Variants in RGS3 observed in about 807,000 individuals in gnomAD.
The protein encoded by RGS3 is regulator of G-protein signalling 3.
A neutral mutation model predicts 132.6 loss-of-function variants in RGS3; 80 were observed. The ratio of observed to expected loss-of-function variants is 0.60; its 90% CI spans 0.50 to 0.73. The LOEUF is 0.73. Ranked by LOEUF, RGS3 falls within the 30% of genes least tolerant of loss-of-function variation. The probability of loss-of-function intolerance (pLI) is 0.00; values close to 1 mark genes in which losing one functional copy is unlikely to be tolerated. For missense variants in RGS3, 1,382 were observed against 1,530.8 expected (o/e 0.90, Z 1.62); for synonymous variants, 598 against 620.6 (o/e 0.96, Z 0.54).
At chr9:113,472,642 G>A (rs1428049783) in intron 3 of RGS3, among the ~76,000 whole-genome samples, 5 of 152,296 alleles carry the variant, frequency 3.3e-5, no homozygotes, top group East Asian at 1.9e-4. Flanking sequence ...GTGTGACTGC[G>A]AAAGAGTATG....
At chr9:113,469,984 C>T (rs1024634949) in intron 3 of RGS3, among the ~76,000 whole-genome samples, 7 of 150,436 alleles carry the variant, frequency 4.7e-5, no homozygotes, top group African/African-American at 1.7e-4. Flanking sequence ...AATGTAAACT[C>T]ACTGCAGCCT....
At chr9:113,562,411 A>G (rs1250635835) in intron 19 of RGS3, among the ~76,000 whole-genome samples, 1 of 146,166 alleles carries the variant, frequency 6.8e-6, no homozygotes, top group Non-Finnish European at 1.5e-5. Flanking sequence ...CAGGAGGCAG[A>G]GGTTGCAGTG....
At chr9:113,494,946 G>A (rs1588159277) in intron 7 of RGS3, among the ~76,000 whole-genome samples, 1 of 152,018 alleles carries the variant, frequency 6.6e-6, no homozygotes, top group African/African-American at 2.4e-5. Flanking sequence ...TGCGATCTTG[G>A]CTCACTGCAA....
intron 10 of RGS3, chr9:113,501,708 G>A (rs756971834): frequency 2.6e-5 from 36 of 1,397,318 alleles, no homozygotes; most frequent in Non-Finnish European, 3.5e-5. Flanking sequence ...GAAGGATCTC[G>A]CTCCTCACAA....
Position 113,591,369 on chromosome 9 carries a change from GCCTC to G in RGS3, c.3055_3058del (p.Ser1019GlyfsTer8). ...TGACACCGTTGGGGATGATGACGAA[GCCTC>G]CCGGAAGAGAAAGAGCAAAAACCTG... On this transcript the variant is annotated frameshift_variant, in exon 21 of 25. Transcript: ENST00000350696. LOFTEE classifies it high-confidence loss of function. This position sits in a 1 kb window ranked among gnomAD's most constrained non-coding sequence, Gnocchi z 4.4. The G allele has an allele frequency of 6.2e-7, 1 of 1,613,684 alleles. No homozygotes were observed. Among genetic ancestry groups the G allele is most frequent in the African/African-American group, 1.3e-5 (1 of 75,014 alleles).
intron 19 of RGS3, chr9:113,541,694 G>A (rs1377159138): frequency 9.2e-7 from 1 of 1,082,490 alleles, no homozygotes; most frequent in Non-Finnish European, 1.1e-6. Flanking sequence ...CAAGGAGGAG[G>A]AGGAGGAGGA....
At position 113,517,489 on chromosome 9, in the gene RGS3, G is replaced by C. The variant is rs1831737395; in HGVS notation, c.1675-52G>C. ...ACAAGCTGCTGCTTCCTCCCCCCGG[G>C]TCCTCACCCAGCCTCTTTTTGAACT... is the stretch of plus-strand genomic sequence containing the variant. On this transcript the variant is annotated intron_variant, in intron 15 of 24. Coordinates refer to ENST00000350696, the Ensembl canonical transcript of RGS3. 7 of 1,459,990 alleles carry C rather than the reference G, an allele frequency of 4.8e-6. No homozygotes were observed. The East Asian group carries it at 6.8e-5, about 14-fold the overall frequency. The allele number at this position is 1,459,990 out of a possible 1,614,324, so 90.4% of individuals were successfully genotyped here.
intron 19 of RGS3, among the ~76,000 whole-genome samples, chr9:113,570,941 C>T (rs765168920): frequency 3.3e-5 from 5 of 152,184 alleles, no homozygotes; most frequent in Non-Finnish European, 7.3e-5. Flanking sequence ...CGGCCCTTGT[C>T]CTGACTTCTC....
Position 113,507,413 on chromosome 9 carries a change from C to T in RGS3, c.1212C>T (p.Asn404=). 3.7e-6 allele frequency: 6 copies of T among 1,613,966 alleles called. No individual in the cohort carries two copies. The highest frequency in any genetic ancestry group is 5.1e-6 in the Non-Finnish European group (6 of 1,180,040). ...CACATGACCTCCAGTCACCCCCCAA[C>T]AAACGGGAGAAGAACTGCACCCATG... Residue 404 remains asparagine (N), a synonymous_variant, in exon 13 of 25, where the codon AAC becomes AAT. Coordinates refer to ENST00000350696, the Ensembl canonical transcript of RGS3. This position sits in a 1 kb window ranked among gnomAD's most constrained non-coding sequence, Gnocchi z 5.0.
chr9:113,522,808 T>A, intron 16 of RGS3, 122 bp from the exon 15 acceptor site: 1 of 740,498 alleles, frequency 1.4e-6, no homozygotes, highest in South Asian at 1.5e-5. Context: ...TGGTTTTGTG[T>A]GAGATGATGA....
rs961548406 is a variant in RGS3, at chr9:113,537,733, C to T, written c.2037+815C>T. ...AAAGAAAGCTGCAGCCTGTAACTTGCTGGCCTTTTCACTTCTCCCTGGTGC... is the reference window on the plus strand; with the variant it reads ...AAAGAAAGCTGCAGCCTGTAACTTGTTGGCCTTTTCACTTCTCCCTGGTGC... On this transcript the variant is annotated intron_variant, in intron 19 of 24. Coordinates refer to ENST00000350696, the Ensembl canonical transcript of RGS3. This position sits in a 1 kb window ranked among gnomAD's most constrained non-coding sequence, Gnocchi z 4.3. Among the ~76,000 whole-genome samples, 11 of 152,190 alleles carry T rather than the reference C, an allele frequency of 7.2e-5. No homozygotes were observed. The highest frequency in any genetic ancestry group is 2.2e-4 in the African/African-American group (9 of 41,432).
At chr9:113,491,358 C>A (rs1283218978) in intron 7 of RGS3, among the ~76,000 whole-genome samples, 1 of 151,698 alleles carries the variant, frequency 6.6e-6, no homozygotes, top group South Asian at 2.1e-4. Context: ...TAGCGATTCT[C>A]TGGCCTCAGC....
chr9:113,575,335 C>T (rs1834464903), intron 19 of RGS3, among the ~76,000 whole-genome samples: 1 of 152,180 alleles, frequency 6.6e-6, no homozygotes, highest in Non-Finnish European at 1.5e-5. Flanking sequence ...CCTTCTGTGC[C>T]TCAGTATTGC....
At chr9:113,513,687 C>T (rs1003145828) in intron 14 of RGS3, among the ~76,000 whole-genome samples, 1 of 152,220 alleles carries the variant, frequency 6.6e-6, no homozygotes, top group African/African-American at 2.4e-5. Context: ...GTTGCCCAAG[C>T]TCACTGAGCT....
At chr9:113,534,763 C>T (rs1057432010) in intron 18 of RGS3, among the ~76,000 whole-genome samples, 1 of 152,012 alleles carries the variant, frequency 6.6e-6, no homozygotes, top group Non-Finnish European at 1.5e-5. Flanking sequence ...AAGCGCACAC[C>T]ACCACACCCA....
At chr9:113,467,129 AT>A (rs1469446858) in intron 3 of RGS3, among the ~76,000 whole-genome samples, 3 of 152,216 alleles carry the variant, frequency 2.0e-5, no homozygotes, top group Non-Finnish European at 4.4e-5. Flanking sequence ...GGTGATGAAT[AT>A]TTTGGCTGTT....
At chr9:113,495,153 G>A (rs936639083) in intron 7 of RGS3, among the ~76,000 whole-genome samples, 2 of 152,170 alleles carry the variant, frequency 1.3e-5, no homozygotes, top group African/African-American at 4.8e-5. Flanking sequence ...GGCATTACAG[G>A]CGTGAGCCAC....
intron 19 of RGS3, among the ~76,000 whole-genome samples, chr9:113,567,125 G>A (rs1476765369): frequency 6.6e-6 from 1 of 152,210 alleles, no homozygotes; most frequent in Non-Finnish European, 1.5e-5. Flanking sequence ...AATTGTTGAT[G>A]GGACTTCTGA....
At chr9:113,592,518 G>A (rs1332781995) in intron 21 of RGS3, 1 of 151,942 alleles carries the variant, frequency 6.6e-6, no homozygotes, top group East Asian at 1.9e-4. Context: ...TGGAGACAGA[G>A]TCTCCTTCTG....
Sources: allele counts gnomAD v4.1 joint callset (sites outside exome capture counted in the v4.1 genomes callset), GRCh38; gene constraint gnomAD v4.1.1; non-coding constraint Gnocchi (gnomAD v3.1); transcripts MANE v1.5; gene names NCBI Gene and HGNC (gene_info 2026-07-23, HGNC 2026-07-21).